The following RBMS3 variants were observed in gnomAD, a reference collection of about 807,000 sequenced individuals.
RBMS3 encodes RNA binding motif single stranded interacting protein 3.
Under a neutral mutation model 66.8 loss-of-function variants are expected in RBMS3, and 27 were observed. The ratio of observed to expected loss-of-function variants is 0.40; its 90% confidence interval spans 0.30 to 0.56. The LOEUF (loss-of-function observed/expected upper bound fraction) is 0.56, where lower values mean the gene tolerates loss of function less well. Ranked by LOEUF, RBMS3 falls within the 20% of genes least tolerant of loss-of-function variation. The probability of loss-of-function intolerance (pLI) is 0.40; values close to 1 mark genes in which losing one functional copy is unlikely to be tolerated. For missense variants in RBMS3, 513 were observed against 549.5 expected (o/e 0.93, Z 0.66); for synonymous variants, 188 against 183.0 (o/e 1.03, Z -0.22).
intron 12 of RBMS3, among the ~76,000 whole-genome samples, chr3:29,972,262 A>C (rs1437416616): frequency 6.6e-6 from 1 of 151,416 alleles, no homozygotes; most frequent in East Asian, 1.9e-4. Context: ...AGACTTTTTC[A>C]TTTTGTTTTT....
At chr3:29,703,999 G>C (rs971876010) in intron 4 of RBMS3, among the ~76,000 whole-genome samples, 1 of 152,208 alleles carries the variant, frequency 6.6e-6, no homozygotes, top group Non-Finnish European at 1.5e-5. Context: ...GGTCTAGGTT[G>C]TGTGTTCCTT....
chr3:29,382,396 T>G (rs2038801594), intron 1 of RBMS3, among the ~76,000 whole-genome samples: 1 of 152,174 alleles, frequency 6.6e-6, no homozygotes, highest in African/African-American at 2.4e-5. Context: ...AAGCATGGAT[T>G]TGTGCAGTAT....
At chr3:29,810,057 G>A (rs2057685565) in intron 6 of RBMS3, among the ~76,000 whole-genome samples, 1 of 151,968 alleles carries the variant, frequency 6.6e-6, no homozygotes, top group African/African-American at 2.4e-5. Context: ...AATTTAAATA[G>A]GTCATTATGG....
rs1698568809 is a variant in RBMS3 at position 29,988,226 on chromosome 3, A to G, written c.1179+3A>G. The G allele has an allele frequency of 2.5e-6, 4 of 1,599,166 alleles. No homozygotes were observed. Among genetic ancestry groups the G allele is most frequent in the Non-Finnish European group, 2.6e-6 (3 of 1,167,158 alleles). On this transcript the variant is annotated splice_donor_region_variant and intron_variant, in intron 13 of 14. Coordinates refer to ENST00000383767, the MANE Select transcript of RBMS3 (RefSeq NM_001003793.3). ...CTCCGACAGCTGTTTCTATTGAAGT[A>G]AGTCTACCCCTGTCTAATAAAGAGG...
intron 3 of RBMS3, among the ~76,000 whole-genome samples, chr3:29,532,706 A>C (rs1318231549): frequency 6.6e-6 from 1 of 152,138 alleles, no homozygotes; most frequent in African/African-American, 2.4e-5. Flanking sequence ...TCTAGTGCGG[A>C]CAACGTAGCC....
intron 4 of RBMS3, among the ~76,000 whole-genome samples, chr3:29,657,585 A>C (rs2050370755): frequency 6.6e-6 from 1 of 152,212 alleles, no homozygotes; most frequent in Non-Finnish European, 1.5e-5. Context: ...AAATCTAAAA[A>C]TATGTTTGTT....
intron 3 of RBMS3, among the ~76,000 whole-genome samples, chr3:29,546,009 A>T (rs1449249945): frequency 1.3e-5 from 2 of 151,894 alleles, no homozygotes; most frequent in Non-Finnish European, 1.5e-5. Context: ...TTAGCAGCAA[A>T]TTTTTCCAGA....
chr3:29,555,211 G>T (rs987740629), intron 3 of RBMS3, among the ~76,000 whole-genome samples: 4 of 152,140 alleles, frequency 2.6e-5, no homozygotes, highest in Non-Finnish European at 5.9e-5. Context: ...ATTTACTTCA[G>T]TCATTGACCT....
intron 6 of RBMS3, among the ~76,000 whole-genome samples, chr3:29,789,177 A>T (rs776214546): frequency 6.6e-6 from 1 of 151,990 alleles, no homozygotes. Flanking sequence ...TTTTTTTGCC[A>T]TTTAGATTTT....
intron 6 of RBMS3, among the ~76,000 whole-genome samples, chr3:29,772,541 C>T (rs1159033791): frequency 2.0e-5 from 3 of 151,938 alleles, no homozygotes; most frequent in Admixed American, 1.3e-4. Flanking sequence ...TAGTTACAGG[C>T]ACCACTGCAA....
In RBMS3 at chr3:29,623,302, A is replaced by G. The variant is rs550980171; in HGVS notation, c.399+36097A>G. ...GGCAATGAGTAAACATTATAAAAGT[A>G]TAAAAGTCGGCCGGGCGCGGTGGCT... On this transcript the variant is annotated intron_variant, in intron 4 of 14. Transcript: ENST00000383767. Among the ~76,000 whole-genome samples the G allele has an allele frequency of 1.1e-4, 17 of 152,078 alleles. No homozygotes were observed. In the South Asian group the frequency reaches 3.5e-3, roughly 32 times the overall value.
intron 10 of RBMS3, among the ~76,000 whole-genome samples, chr3:29,902,198 G>A (rs1260285315): frequency 2.6e-5 from 4 of 151,646 alleles, no homozygotes; most frequent in Non-Finnish European, 5.9e-5. Flanking sequence ...CTGTAACATG[G>A]ACATAATAAT....
chr3:29,472,550 CG>C (rs1467017096), intron 2 of RBMS3, among the ~76,000 whole-genome samples: 2 of 151,978 alleles, frequency 1.3e-5, no homozygotes, highest in African/African-American at 4.8e-5. Flanking sequence ...ACTCTTAAGG[CG>C]GCGCGTACCT....
At chr3:29,486,116 T>G (rs2043308249) in intron 2 of RBMS3, among the ~76,000 whole-genome samples, 1 of 152,170 alleles carries the variant, frequency 6.6e-6, no homozygotes. Flanking sequence ...TTATGGTGGT[T>G]ACGTCTTTAA....
At chr3:29,952,486 T>G (rs17024650) in intron 12 of RBMS3, among the ~76,000 whole-genome samples, 4,637 of 151,970 alleles carry the variant, frequency 0.031, 141 homozygotes, top group East Asian at 0.17. Context: ...TTTACAGAAC[T>G]GATATGACAT....
At chr3:29,336,234 A>T (rs972525564) in intron 1 of RBMS3, among the ~76,000 whole-genome samples, 3 of 152,134 alleles carry the variant, frequency 2.0e-5, no homozygotes, top group African/African-American at 7.2e-5. Flanking sequence ...GTTAATTTTC[A>T]TAGGCTTAGG....
intron 3 of RBMS3, among the ~76,000 whole-genome samples, chr3:29,536,710 A>T (rs138142457): frequency 6.6e-6 from 1 of 152,334 alleles, no homozygotes; most frequent in Non-Finnish European, 1.5e-5. Context: ...TTTGTTTTCC[A>T]GGCAGGCCAA....
At chr3:29,910,764 TGTATAC>T (rs1402173878) in intron 10 of RBMS3, among the ~76,000 whole-genome samples, 33 of 151,718 alleles carry the variant, frequency 2.2e-4, no homozygotes, top group East Asian at 1.6e-3. Context: ...TACATATATA[TGTATAC>T]GTATATGTAT....
chr3:29,631,095 A>C (rs1451883061), intron 4 of RBMS3, among the ~76,000 whole-genome samples: 1 of 151,976 alleles, frequency 6.6e-6, no homozygotes, highest in Admixed American at 6.6e-5. Context: ...GTTGGTATTA[A>C]GAGAAGTGAC....
Sources: gnomAD v4.1 joint callset for allele counts (sites outside exome capture counted in the v4.1 genomes callset) on GRCh38, gnomAD v4.1.1 for gene constraint, MANE v1.5 for transcripts, NCBI Gene and HGNC (gene_info 2026-07-23, HGNC 2026-07-21) for gene names.